The following STK32B variants were observed in gnomAD, a reference collection of about 807,000 sequenced individuals.
The protein encoded by STK32B is serine/threonine-protein kinase 32B.
In STK32B, 43 loss-of-function variants were observed where a neutral mutation model predicts 52.6. The ratio of observed to expected loss-of-function variants is 0.82; its 90% CI spans 0.64 to 1.05. STK32B has a LOEUF of 1.05. Among genes scored for constraint, STK32B ranks in the 50% least tolerant of loss-of-function variants. The pLI, the probability that STK32B is intolerant of heterozygous loss-of-function variation, is 0.00. For synonymous variants in STK32B, 238 were observed against 204.3 expected, an observed-to-expected ratio of 1.17 and a Z score of -1.41; for missense variants, 621 against 534.6, an observed-to-expected ratio of 1.16 and a Z score of -1.59.
intron 3 of STK32B, among the ~76,000 whole-genome samples, chr4:5,325,850 A>C (rs1731838063): frequency 1.3e-5 from 2 of 152,190 alleles, no homozygotes; most frequent in South Asian, 4.1e-4. Flanking sequence ...TTCTAATACA[A>C]GAAGCAAAAG....
intron 6 of STK32B, among the ~76,000 whole-genome samples, chr4:5,442,448 A>G (rs1248666049): frequency 6.6e-6 from 1 of 151,312 alleles, no homozygotes; most frequent in Non-Finnish European, 1.5e-5. Flanking sequence ...TTTGTTTTCC[A>G]CTGGCTTGGT....
intron 6 of STK32B, chr4:5,438,101 C>G (rs2369707): frequency 0.08 from 78,792 of 983,970 alleles, 3,943 homozygotes; most frequent in East Asian, 0.39. Context: ...AACACCTCGG[C>G]ACACACAGCC....
intron 2 of STK32B, among the ~76,000 whole-genome samples, chr4:5,159,576 AATATATAT>A (rs371756619): frequency 2.8e-4 from 16 of 57,916 alleles, no homozygotes; most frequent in African/African-American, 1.6e-3. Flanking sequence ...AATATATATG[AATATATAT>A]ATGAATATAT....
At chr4:5,337,104 A>T (rs1307291739) in intron 4 of STK32B, among the ~76,000 whole-genome samples, 1 of 151,608 alleles carries the variant, frequency 6.6e-6, no homozygotes, top group African/African-American at 2.4e-5. Flanking sequence ...TCAGCCTGCT[A>T]AGTAGCTGGG....
At chr4:5,062,338 C>T (rs1236212780) in intron 1 of STK32B, among the ~76,000 whole-genome samples, 5 of 152,186 alleles carry the variant, frequency 3.3e-5, no homozygotes, top group African/African-American at 1.2e-4. Flanking sequence ...CATCAGGTAA[C>T]TGTAAGTTGT....
In STK32B at chr4:5,177,686, T is replaced by C. The variant is rs562794690; in HGVS notation, c.260+9236T>C. 3.9e-5 allele frequency among the ~76,000 whole-genome samples: 6 copies of C among 152,304 alleles called. No homozygotes were observed. The South Asian group carries it at 1.0e-3, about 26-fold the overall frequency. ...CTTCCTAGATACAATAGGGTACAGGTATTAGGTAAATATACCCATTCCAAA... is the reference window on the plus strand; with the variant it reads ...CTTCCTAGATACAATAGGGTACAGGCATTAGGTAAATATACCCATTCCAAA... On this transcript the variant is annotated intron_variant, in intron 3 of 11. Transcript: ENST00000282908.
intron 2 of STK32B, among the ~76,000 whole-genome samples, chr4:5,155,397 CT>C (rs1475697359): frequency 1.3e-5 from 2 of 152,184 alleles, no homozygotes; most frequent in Non-Finnish European, 2.9e-5. Flanking sequence ...CTCTTGTTCG[CT>C]GTTTTATCCC....
At chr4:5,117,546 C>T (rs1039664995) in intron 1 of STK32B, among the ~76,000 whole-genome samples, 8 of 151,932 alleles carry the variant, frequency 5.3e-5, no homozygotes, top group Non-Finnish European at 7.4e-5. Flanking sequence ...ATTGGCTTTT[C>T]GTATTTCTTC....
At chr4:5,365,169 A>G (rs1416499672) in intron 4 of STK32B, among the ~76,000 whole-genome samples, 1 of 152,204 alleles carries the variant, frequency 6.6e-6, no homozygotes, top group African/African-American at 2.4e-5. Context: ...GAGCCACAGC[A>G]TCGGGCCAAA....
At chr4:5,240,448 G>A (rs981201323) in intron 3 of STK32B, among the ~76,000 whole-genome samples, 1 of 151,774 alleles carries the variant, frequency 6.6e-6, no homozygotes, top group African/African-American at 2.4e-5. Flanking sequence ...GAAGTTTTAG[G>A]GTTCTTTTTT....
intron 3 of STK32B, among the ~76,000 whole-genome samples, chr4:5,287,127 G>T (rs937275118): frequency 1.3e-5 from 2 of 152,052 alleles, no homozygotes; most frequent in African/African-American, 4.8e-5. Context: ...ATATTCTAAG[G>T]AGTGAAATTG....
chr4:5,047,447 C>T (rs998153419), upstream of STK32B, among the ~76,000 whole-genome samples: 1 of 152,000 alleles, frequency 6.6e-6, no homozygotes, highest in Admixed American at 6.6e-5. Flanking sequence ...GCACATGTAT[C>T]CCGGAACTTA....
At chr4:5,243,635 G>A (rs1678912655) in intron 3 of STK32B, among the ~76,000 whole-genome samples, 2 of 152,194 alleles carry the variant, frequency 1.3e-5, no homozygotes, top group Admixed American at 6.5e-5. Flanking sequence ...AGTGGTGAGA[G>A]AGGGTATCCC....
chr4:5,444,779 C>T (rs887087041), intron 6 of STK32B, among the ~76,000 whole-genome samples: 13 of 152,140 alleles, frequency 8.5e-5, no homozygotes, highest in Non-Finnish European at 1.6e-4. Context: ...AATGAATAAA[C>T]CATTATTATT....
intron 6 of STK32B, chr4:5,438,098 CG>C (rs1054617656): frequency 1.0e-6 from 1 of 985,404 alleles, no homozygotes; most frequent in African/African-American, 1.7e-5. Context: ...GGGAACACCT[CG>C]GCACACACAG....
chr4:5,315,954 C>A (rs572231920), intron 3 of STK32B, among the ~76,000 whole-genome samples: 18 of 150,410 alleles, frequency 1.2e-4, no homozygotes, highest in Middle Eastern at 3.2e-3. Flanking sequence ...ATCTGCCTGC[C>A]TCGGCCTCCC....
At chr4:5,329,937 G>A (rs1475980774) in intron 3 of STK32B, among the ~76,000 whole-genome samples, 1 of 152,188 alleles carries the variant, frequency 6.6e-6, no homozygotes, top group Non-Finnish European at 1.5e-5. Context: ...TCTGTTGCCT[G>A]TCCTGGGACC....
At chr4:5,143,632 G>A (rs1427212629) in intron 2 of STK32B, among the ~76,000 whole-genome samples, 1 of 152,072 alleles carries the variant, frequency 6.6e-6, no homozygotes, top group Non-Finnish European at 1.5e-5. Context: ...ACACCTCTCA[G>A]CCCTTCCTCT....
chr4:5,245,621 T>A (rs1725389134), intron 3 of STK32B, among the ~76,000 whole-genome samples: 2 of 152,114 alleles, frequency 1.3e-5, no homozygotes, highest in Admixed American at 1.3e-4. Context: ...CATTATGATG[T>A]TAGCTGGTTA....
Sources: gnomAD v4.1 joint callset for allele counts (sites outside exome capture counted in the v4.1 genomes callset) on GRCh38, gnomAD v4.1.1 for gene constraint, MANE v1.5 for transcripts, NCBI Gene and HGNC (gene_info 2026-07-23, HGNC 2026-07-21) for gene names.